KIF1B: variants seen among roughly 807,000 people sequenced by gnomAD.
KIF1B encodes kinesin-like protein KIF1B.
KIF1B carries 76 observed loss-of-function variants against 241.9 expected under a neutral mutation model. The observed-to-expected ratio is 0.31, with a 90% CI of 0.26 to 0.38. The LOEUF (loss-of-function observed/expected upper bound fraction) is 0.38. Among genes scored for constraint, KIF1B ranks in the 10% least tolerant of loss-of-function variants. KIF1B has a pLI of 1.00. For missense variants in KIF1B, 1,622 were observed against 2,271.4 expected (o/e 0.71, Z 5.81); for synonymous variants, 750 against 796.7 (o/e 0.94, Z 0.99).
rs1391842657 is a variant in KIF1B at position 10,380,487 on chromosome 1, C to T, written c.*3900C>T. 5 of 182,800 alleles carry T rather than the reference C, an allele frequency of 2.7e-5. No homozygotes were observed. Among genetic ancestry groups the T allele is most frequent in the African/African-American group, 7.1e-5 (3 of 42,486 alleles). The allele number at this position is 182,800 out of a possible 1,614,324, so 11.3% of individuals were successfully genotyped here. A position where few individuals can be genotyped will look rare whatever the true frequency, so the allele number is the denominator to read the frequency against. On this transcript the variant is annotated 3_prime_UTR_variant, in exon 49 of 49. Coordinates refer to ENST00000676179, the MANE Select transcript of KIF1B (RefSeq NM_001365951.3). ...TTGGGAGGCCAAGGCAGGTGGATCA[C>T]CTGAGGTCAGAAGTTTGAGACCAGC...
rs1193797247 is a variant in KIF1B, at chr1:10,365,288, A to G, written c.4512+43A>G. The stretch of plus-strand genomic sequence containing the variant: ...TGTTCAGATGCAAGAACTCTCGGAC[A>G]AGATTGCCAAAGTATCAGTCTTCCT... On this transcript the variant is annotated intron_variant, in intron 42 of 48. Transcript: ENST00000676179. The surrounding 1 kb of genome is among the most constrained non-coding windows in gnomAD (Gnocchi z 4.0). The G allele has an allele frequency of 1.9e-6, 3 of 1,613,372 alleles. No individual in the cohort carries two copies. The highest frequency in any genetic ancestry group is 1.3e-5 in the African/African-American group (1 of 74,898).
At chr1:10,252,463 T>TGCAG (rs1211014218) in intron 2 of KIF1B, among the ~76,000 whole-genome samples, 3 of 152,022 alleles carry the variant, frequency 2.0e-5, no homozygotes, top group African/African-American at 7.2e-5. Flanking sequence ...CAGGATGGAG[T>TGCAG]GCAGTGGCAC....
intron 22 of KIF1B, among the ~76,000 whole-genome samples, chr1:10,309,267 G>A (rs1019776293): frequency 2.0e-5 from 3 of 152,156 alleles, no homozygotes; most frequent in African/African-American, 4.8e-5. Context: ...TGCCTGAATC[G>A]GTCTGCTTCC....
intron 14 of KIF1B, among the ~76,000 whole-genome samples, chr1:10,279,680 C>CGTTTTT (rs1557684471): frequency 7.4e-6 from 1 of 134,402 alleles, no homozygotes; most frequent in African/African-American, 2.7e-5. Context: ...ATTAGATAAA[C>CGTTTTT]GTTTTTTCCT....
At chr1:10,335,698 C>T (rs947304023) in intron 28 of KIF1B, among the ~76,000 whole-genome samples, 2 of 151,388 alleles carry the variant, frequency 1.3e-5, no homozygotes, top group Admixed American at 6.6e-5. Flanking sequence ...TTGTAATGCA[C>T]GGGTCAAGCT....
At chr1:10,260,670 G>C (rs1386878353) in intron 4 of KIF1B, among the ~76,000 whole-genome samples, 1 of 151,884 alleles carries the variant, frequency 6.6e-6, no homozygotes, top group Non-Finnish European at 1.5e-5. Context: ...TTCGAGACCA[G>C]CCTGACCAAC....
chr1:10,321,936 T>C, intron 24 of KIF1B, 79 bp downstream of exon 24: 1 of 1,522,822 alleles, frequency 6.6e-7, no homozygotes, highest in East Asian at 2.3e-5. Flanking sequence ...CACCTTGAAT[T>C]AACCTTTCCT....
At chr1:10,234,120 C>G (rs1385077393) in intron 2 of KIF1B, among the ~76,000 whole-genome samples, 2 of 152,118 alleles carry the variant, frequency 1.3e-5, no homozygotes, top group Non-Finnish European at 2.9e-5. Flanking sequence ...CTTGAGTATC[C>G]TTTCCATCCC....
In KIF1B at chr1:10,326,264, C is replaced by T. The variant is rs745644299; in HGVS notation, c.2829C>T (p.Ala943=). ...DFDDEAFVDD[A]GSDAGTEEGS... ...ATGATGAGGCATTCGTGGATGACGCCGGCTCTGACGCAGGGACGGAGGAGG... is the reference window on the plus strand; with the variant it reads ...ATGATGAGGCATTCGTGGATGACGCTGGCTCTGACGCAGGGACGGAGGAGG... The change falls in exon 27 of 49, where the codon GCC becomes GCT. Residue 943 remains alanine, a synonymous_variant. Coordinates refer to ENST00000676179, the MANE Select transcript of KIF1B (RefSeq NM_001365951.3). This position sits in a 1 kb window ranked among gnomAD's most constrained non-coding sequence, Gnocchi z 5.2. 28 of 1,614,022 alleles carry T rather than the reference C, an allele frequency of 1.7e-5. No homozygotes were observed. Among genetic ancestry groups the T allele is most frequent in the Middle Eastern group, 3.3e-4 (2 of 6,084 alleles).
intron 22 of KIF1B, among the ~76,000 whole-genome samples, chr1:10,298,754 TTAC>T (rs1486659642): frequency 6.6e-6 from 1 of 152,162 alleles, no homozygotes; most frequent in Non-Finnish European, 1.5e-5. Flanking sequence ...GCTTTATAAT[TTAC>T]AGAGAGCGTT....
rs183599621 is a variant in KIF1B, at chr1:10,228,515, G to T, written c.-79-3735G>T. ...TTTAGAGGGGTTGATCTTGCAACAG[G>T]GTTAAGCAGTGGTTTAAAGCAGTGC... On this transcript the variant is annotated intron_variant, in intron 1 of 48. Transcript: ENST00000676179. Among the ~76,000 whole-genome samples the T allele has an allele frequency of 3.9e-4, 59 of 152,292 alleles. 1 individual carries two copies. The South Asian group carries it at 7.9e-3, about 20-fold the overall frequency.
At chr1:10,304,825 A>G in intron 22 of KIF1B, 4 of 1,455,536 alleles carry the variant, frequency 2.7e-6, no homozygotes, top group Non-Finnish European at 3.6e-6. Context: ...TTTTGCTTGT[A>G]TACCATAAAT....
At chr1:10,273,199 A>T (rs377673116) in intron 10 of KIF1B, among the ~76,000 whole-genome samples, 168 bp downstream of exon 10, 1 of 152,218 alleles carries the variant, frequency 6.6e-6, no homozygotes, top group Non-Finnish European at 1.5e-5. Context: ...ACCACAAATC[A>T]TGAGGTTTCA....
rs753100181 is a variant in KIF1B at position 10,348,741 on chromosome 1, C to T, written c.3949+8C>T. On this transcript the variant is annotated splice_region_variant and intron_variant, in intron 37 of 48. Transcript: ENST00000676179. The stretch of plus-strand genomic sequence containing the variant: ...TTCGTGAACTGGTGGTAGGTGAGTA[C>T]GTTTCATCAGCCAAGGATAGAACCA... The T allele has an allele frequency of 1.3e-5, 21 of 1,605,798 alleles. No individual in the cohort carries two copies. The highest frequency in any genetic ancestry group is 8.0e-5 in the African/African-American group (6 of 74,662).
intron 35 of KIF1B, among the ~76,000 whole-genome samples, 198 bp downstream of exon 35, chr1:10,346,151 A>G (rs763778306): frequency 6.6e-6 from 1 of 152,098 alleles, no homozygotes; most frequent in Non-Finnish European, 1.5e-5. Context: ...CCTGGCCTCA[A>G]GCAGTCCTCC....
intron 1 of KIF1B, among the ~76,000 whole-genome samples, chr1:10,220,385 TA>T (rs1291560162): frequency 4.5e-5 from 6 of 134,160 alleles, no homozygotes; most frequent in African/African-American, 1.7e-4. Flanking sequence ...GATAGATAGA[TA>T]GATAGATAGA....
At chr1:10,301,791 A>G (rs963558847) in intron 22 of KIF1B, among the ~76,000 whole-genome samples, 1 of 152,198 alleles carries the variant, frequency 6.6e-6, no homozygotes, top group Admixed American at 6.5e-5. Flanking sequence ...CCCACTTACT[A>G]TTTGGAATTC....
At chr1:10,222,411 A>T (rs116218949) in intron 1 of KIF1B, among the ~76,000 whole-genome samples, 3,633 of 152,280 alleles carry the variant, frequency 0.024, 68 homozygotes, top group Non-Finnish European at 0.036. Flanking sequence ...CTTTTAGGTT[A>T]TGCTCTGAGG....
At chr1:10,329,657 C>T (rs1271252199) in intron 27 of KIF1B, among the ~76,000 whole-genome samples, 2 of 151,976 alleles carry the variant, frequency 1.3e-5, no homozygotes, top group Non-Finnish European at 2.9e-5. Flanking sequence ...TGCTTGAACC[C>T]GGGAGGGGGA....
Sources: gnomAD v4.1 joint callset for allele counts (sites outside exome capture counted in the v4.1 genomes callset) on GRCh38, gnomAD v4.1.1 for gene constraint, Gnocchi (gnomAD v3.1) non-coding constraint, MANE v1.5 for transcripts, NCBI Gene and HGNC (gene_info 2026-07-23, HGNC 2026-07-21) for gene names.